Variants in ROBO2 observed in about 807,000 individuals in gnomAD.
The protein encoded by ROBO2 is roundabout homolog 2.
A neutral mutation model predicts 160.8 loss-of-function variants in ROBO2; 53 were observed. The ratio of observed to expected loss-of-function variants is 0.33; its 90% CI spans 0.26 to 0.41. ROBO2 has a LOEUF of 0.41. Among genes scored for constraint, ROBO2 ranks in the 10% least tolerant of loss-of-function variants. The pLI, the probability that ROBO2 is intolerant of heterozygous loss-of-function variation, is 1.00. For missense variants in ROBO2, 1,577 were observed against 1,722.4 expected (o/e 0.92, Z 1.49); for synonymous variants, 664 against 611.7 (o/e 1.09, Z -1.26).
At chr3:76,305,273 C>T (rs2071279061) in intron 2 of ROBO2, among the ~76,000 whole-genome samples, 3 of 151,310 alleles carry the variant, frequency 2.0e-5, no homozygotes, top group Non-Finnish European at 4.4e-5. Context: ...TTCCTGTAGT[C>T]CCAGCTACTC....
intron 2 of ROBO2, among the ~76,000 whole-genome samples, chr3:76,037,640 G>A (rs1052827418): frequency 2.0e-5 from 3 of 151,652 alleles, no homozygotes; most frequent in South Asian, 2.1e-4. Context: ...TAGGCACTGG[G>A]GATTGACTAA....
intron 23 of ROBO2, among the ~76,000 whole-genome samples, chr3:77,623,243 G>T (rs1268405529): frequency 1.3e-5 from 2 of 152,114 alleles, no homozygotes; most frequent in African/African-American, 4.8e-5. Context: ...CCTCTTACAT[G>T]ACTGTGTAGA....
At chr3:76,636,743 G>A (rs1483192354) in intron 2 of ROBO2, among the ~76,000 whole-genome samples, 3 of 152,136 alleles carry the variant, frequency 2.0e-5, no homozygotes, top group Non-Finnish European at 4.4e-5. Context: ...TAGCTCCCAG[G>A]ACATTAGAGG....
chr3:76,781,467 G>A (rs1361581392), intron 2 of ROBO2, among the ~76,000 whole-genome samples: 2 of 150,664 alleles, frequency 1.3e-5, no homozygotes, highest in African/African-American at 4.8e-5. Context: ...GACAAGAGTG[G>A]CATTCTTATC....
chr3:76,931,550 G>GACACACACACACACACAC lies in ROBO2; in HGVS notation c.110-166459_110-166458insCACACACACACACACACA, dbSNP rs148001909. Among the ~76,000 whole-genome samples, 24 of 150,724 alleles carry GACACACACACACACACAC rather than the reference G, an allele frequency of 1.6e-4. 1 individual carries two copies. Among genetic ancestry groups the GACACACACACACACACAC allele is most frequent in the African/African-American group, 5.1e-4 (21 of 40,912 alleles). On this transcript the variant is annotated intron_variant, in intron 2 of 26. Coordinates refer to the ROBO2 transcript ENST00000487694. ...CACTATGACTTTGTGTGCTTTATAA[G>GACACACACACACACACAC]ACACATACACACACACACACACACA...
chr3:76,887,193 C>CCTTTTTTTTTTTTTTTTTTTTTT (rs1178064382), intron 2 of ROBO2, among the ~76,000 whole-genome samples: 1 of 120,442 alleles, frequency 8.3e-6, no homozygotes, highest in Non-Finnish European at 1.6e-5. Context: ...CTTCAGGAAG[C>CCTTTTTTTTTTTTTTTTTTTTTT]ATTTTTTTTT....
intron 5 of ROBO2, among the ~76,000 whole-genome samples, chr3:77,505,231 C>T (rs1253779051): frequency 2.0e-5 from 3 of 152,176 alleles, no homozygotes; most frequent in East Asian, 3.9e-4. Flanking sequence ...TGGAAGTAGG[C>T]ACACCTGGTA....
intron 2 of ROBO2, among the ~76,000 whole-genome samples, chr3:76,931,784 C>T (rs892815156): frequency 1.2e-4 from 19 of 152,072 alleles, no homozygotes; most frequent in African/African-American, 4.1e-4. Context: ...CGGATTCAAG[C>T]GATTCTCCTG....
intron 2 of ROBO2, among the ~76,000 whole-genome samples, chr3:76,166,507 T>C (rs1312024188): frequency 1.3e-5 from 2 of 152,164 alleles, no homozygotes; most frequent in African/African-American, 4.8e-5. Flanking sequence ...TTCTATTTTC[T>C]TTCCCATTTC....
intron 2 of ROBO2, among the ~76,000 whole-genome samples, chr3:77,029,925 A>AT (rs1279684733): frequency 6.6e-6 from 1 of 151,888 alleles, no homozygotes; most frequent in African/African-American, 2.4e-5. Flanking sequence ...TAACGAAAAG[A>AT]TTATCATAAA....
rs567448348 is a variant in ROBO2, at chr3:77,392,870, T to C, written c.389-84544T>C. ...ACTTTGGTCTGTTCCGTGTTATACA[T>C]ACGAAACAAATCTTGAACAAAACAA... On this transcript the variant is annotated intron_variant, in intron 2 of 25. Transcript: ENST00000461745. Among the ~76,000 whole-genome samples, 4 of 152,330 alleles carry C rather than the reference T, an allele frequency of 2.6e-5. No individual in the cohort carries two copies. The South Asian group carries it at 6.2e-4, about 24-fold the overall frequency.
chr3:76,749,025 G>A (rs1028149256), intron 2 of ROBO2, among the ~76,000 whole-genome samples: 1 of 151,600 alleles, frequency 6.6e-6, no homozygotes. Context: ...TGCTATTATG[G>A]TAGAATATTT....
intron 2 of ROBO2, among the ~76,000 whole-genome samples, chr3:76,942,977 TTTA>T (rs952220817): frequency 3.2e-4 from 49 of 152,270 alleles, no homozygotes; most frequent in African/African-American, 1.2e-3. Flanking sequence ...GATTTATGCG[TTTA>T]TTATTATTAT....
At chr3:77,644,261 G>T (rs2095389063) in intron 24 of ROBO2, among the ~76,000 whole-genome samples, 1 of 151,980 alleles carries the variant, frequency 6.6e-6, no homozygotes, top group African/African-American at 2.4e-5. Flanking sequence ...CTAATATATA[G>T]TTCTTTATCT....
intron 2 of ROBO2, among the ~76,000 whole-genome samples, chr3:76,407,122 A>G (rs1037700019): frequency 1.3e-5 from 2 of 151,562 alleles, no homozygotes; most frequent in Admixed American, 1.3e-4. Context: ...TGCTCTAGCA[A>G]TTCCTTCTTC....
chr3:77,194,981 C>A (rs191655988), intron 2 of ROBO2, among the ~76,000 whole-genome samples: 69 of 151,984 alleles, frequency 4.5e-4, no homozygotes, highest in African/African-American at 1.6e-3. Flanking sequence ...AATATAGGGG[C>A]AATGTAATTA....
intron 2 of ROBO2, among the ~76,000 whole-genome samples, chr3:76,537,315 T>G (rs761032415): frequency 6.6e-6 from 1 of 152,094 alleles, no homozygotes; most frequent in Non-Finnish European, 1.5e-5. Flanking sequence ...TCTTGTAGGA[T>G]GGAGAAATCA....
intron 2 of ROBO2, among the ~76,000 whole-genome samples, chr3:76,370,886 C>A (rs149947787): frequency 0.01 from 1,556 of 151,946 alleles, 14 homozygotes; most frequent in Non-Finnish European, 0.017. Context: ...AGGCCAGGTG[C>A]GGACTCATAT....
intron 2 of ROBO2, among the ~76,000 whole-genome samples, chr3:76,796,696 C>T (rs1023663363): frequency 2.0e-5 from 3 of 151,952 alleles, no homozygotes; most frequent in African/African-American, 7.2e-5. Context: ...AATCGGTTGC[C>T]TATAAAAATA....
Sources: allele counts gnomAD v4.1 joint callset (sites outside exome capture counted in the v4.1 genomes callset), GRCh38; gene constraint gnomAD v4.1.1; transcripts MANE v1.5; gene names NCBI Gene and HGNC (gene_info 2026-07-23, HGNC 2026-07-21).